Variants in DOLPP1 observed in about 807,000 individuals in gnomAD.
The protein encoded by DOLPP1 is dolichyldiphosphatase 1, also known as dolichyl pyrophosphate phosphatase 1.
In DOLPP1, 15 loss-of-function variants were observed where a neutral mutation model predicts 34.1. The ratio of observed to expected loss-of-function variants is 0.44; its 90% CI spans 0.29 to 0.68. The LOEUF is 0.68. DOLPP1 is among the 30% of genes least tolerant of loss of function. The pLI, the probability that DOLPP1 is intolerant of heterozygous loss-of-function variation, is 0.12. For synonymous variants in DOLPP1, 130 were observed against 128.2 expected, an observed-to-expected ratio of 1.01 and a Z score of -0.10; for missense variants, 249 against 307.1, an observed-to-expected ratio of 0.81 and a Z score of 1.41.
chr9:129,085,582 C>G lies in DOLPP1; in HGVS notation c.427C>G (p.Leu143Val). ...LLWRHVLSLGLLAVAFLVSYS... is the reference protein window; with the variant it reads ...LLWRHVLSLGVLAVAFLVSYS... Reference sequence around the variant, plus strand: ...GTGGAGGCACGTGCTCTCCCTGGGACTCCTCGCTGTGGCCTTCCTAGTCTC... The same window carrying G: ...GTGGAGGCACGTGCTCTCCCTGGGAGTCCTCGCTGTGGCCTTCCTAGTCTC... The change falls in exon 5 of 8, where the codon CTC becomes GTC. Residue 143 changes from leucine (L) to valine (V), a missense_variant. Physicochemically the swap from Leu to Val is conservative, Grantham distance 32. Transcript: ENST00000372546. This position sits in a 1 kb window ranked among gnomAD's most constrained non-coding sequence, Gnocchi z 7.0. The G allele has an allele frequency of 6.2e-7, 1 of 1,613,458 alleles. No individual in the cohort carries two copies. Among genetic ancestry groups the G allele is most frequent in the Non-Finnish European group, 8.5e-7 (1 of 1,179,860 alleles).
In DOLPP1 at chr9:129,088,779, C is replaced by A. The variant is rs1847041678; in HGVS notation, c.681-192C>A. ...GAGCTGAGATAACTGAGGTACAGGC[C>A]TCGCCGGGGAGATCAGCCCTGTCTA... On this transcript the variant is annotated intron_variant, in intron 7 of 7. Transcript: ENST00000372546. Among the ~76,000 whole-genome samples the A allele has an allele frequency of 2.0e-5, 3 of 152,330 alleles. 1 individual carries two copies. The South Asian group carries it at 6.2e-4, about 32-fold the overall frequency.
chr9:129,087,499 G>A (rs1205531342), intron 7 of DOLPP1, among the ~76,000 whole-genome samples: 2 of 151,966 alleles, frequency 1.3e-5, no homozygotes, highest in Non-Finnish European at 2.9e-5. Context: ...GTATTTTTTA[G>A]TAGAGACGGG....
In DOLPP1 at chr9:129,089,306, T is replaced by G. The variant is rs564383996; in HGVS notation, c.*299T>G. 2.8e-6 allele frequency: 1 copy of G among 359,420 alleles called. No homozygotes were observed. Among genetic ancestry groups the G allele is most frequent in the Non-Finnish European group, 5.2e-6 (1 of 192,714 alleles). The allele number at this position is 359,420 out of a possible 1,614,324, so 22.3% of individuals were successfully genotyped here. ...TCGGCATGGGCACCTGGGTGTGGGG[T>G]GGAGGAGGAGGGCTCGCGCCTCTGG... On this transcript the variant is annotated 3_prime_UTR_variant, in exon 8 of 8. Transcript: ENST00000372546. The surrounding 1 kb of genome is among the most constrained non-coding windows in gnomAD (Gnocchi z 4.9).
Position 129,081,209 on chromosome 9 carries a change from T to A in DOLPP1, c.76+2T>A. On this transcript the variant is annotated splice_donor_variant, in intron 1 of 7. Coordinates refer to ENST00000372546, the MANE Select transcript of DOLPP1 (RefSeq NM_020438.5). LOFTEE classifies it high-confidence loss of function. ...TCACCCACGTCGAATATCCTGCAGG[T>A]AAAAGGCGGTCCCGGCTCCAAGGAC... 1 of 1,608,592 alleles carries A rather than the reference T, an allele frequency of 6.2e-7. No homozygotes were observed.
chr9:129,087,569 G>A (rs938658226), intron 7 of DOLPP1, among the ~76,000 whole-genome samples: 5 of 152,166 alleles, frequency 3.3e-5, no homozygotes, highest in Non-Finnish European at 5.9e-5. Flanking sequence ...ACCCGCCTCG[G>A]CCTTCCAAAG....
Position 129,089,173 on chromosome 9 carries a change from G to A in DOLPP1, c.*166G>A. ...TTTTAATGAACAAGGTGGACCAAAG[G>A]GCTGAACCAGCCCCTCAACCAGGAC... is the stretch of plus-strand genomic sequence containing the variant. On this transcript the variant is annotated 3_prime_UTR_variant, in exon 8 of 8. Transcript: ENST00000372546. This position sits in a 1 kb window ranked among gnomAD's most constrained non-coding sequence, Gnocchi z 4.9. 1 of 635,666 alleles carries A rather than the reference G, an allele frequency of 1.6e-6. No individual in the cohort carries two copies. Among genetic ancestry groups the A allele is most frequent in the East Asian group, 3.0e-5 (1 of 33,548 alleles). The allele number at this position is 635,666 out of a possible 1,614,324, so 39.4% of individuals were successfully genotyped here.
chr9:129,088,491 G>T (rs1420549649), intron 7 of DOLPP1, among the ~76,000 whole-genome samples: 1 of 152,170 alleles, frequency 6.6e-6, no homozygotes. Context: ...TATAGCCACA[G>T]CCCAAATTGG....
chr9:129,084,633 C>G lies in DOLPP1; in HGVS notation c.77-35C>G, dbSNP rs766052425. 30 of 1,433,486 alleles carry G rather than the reference C, an allele frequency of 2.1e-5. 1 individual carries two copies. The highest frequency in any genetic ancestry group is 2.7e-5 in the Non-Finnish European group (27 of 1,014,398). The allele number at this position is 1,433,486 out of a possible 1,614,324, so 88.8% of individuals were successfully genotyped here. A position where few individuals can be genotyped will look rare whatever the true frequency, so the allele number is the denominator to read the frequency against. Reference sequence around the variant, plus strand: ...GCTGGTCCCTCTTCTGATGCCTGTGCCCTGTCCTCCTGATTCTGTTCTCTG... The same window carrying G: ...GCTGGTCCCTCTTCTGATGCCTGTGGCCTGTCCTCCTGATTCTGTTCTCTG... On this transcript the variant is annotated intron_variant, in intron 1 of 7. Transcript: ENST00000372546.
In DOLPP1 at chr9:129,088,917, G is replaced by C. The variant is rs1250509475; in HGVS notation, c.681-54G>C. 3 of 1,594,440 alleles carry C rather than the reference G, an allele frequency of 1.9e-6. No individual in the cohort carries two copies. In the African/African-American group the frequency reaches 4.0e-5, roughly 21 times the overall value. On this transcript the variant is annotated intron_variant, in intron 7 of 7. Coordinates refer to ENST00000372546, the MANE Select transcript of DOLPP1 (RefSeq NM_020438.5). The stretch of plus-strand genomic sequence containing the variant: ...GACTACGGGTGGGGTGGGGACAGCT[G>C]TAGGTCACTGAACACCAGATGTCTC...
rs1444894089 is a variant in DOLPP1 at position 129,088,983 on chromosome 9, C to T, written c.693C>T (p.Arg231=). ...TCCTGTTTTGCAGGAACAGACAACGCAAGCTGGGGACGAAACTGCAGTGAC... is the reference window on the plus strand; with the variant it reads ...TCCTGTTTTGCAGGAACAGACAACGTAAGCTGGGGACGAAACTGCAGTGAC... The part of the protein sequence containing the change: ...VTRAEARNRQ[R]KLGTKLQ Residue 231 remains arginine (R), a synonymous_variant, in exon 8 of 8, where the codon CGC becomes CGT. Coordinates refer to ENST00000372546, the MANE Select transcript of DOLPP1 (RefSeq NM_020438.5). The T allele has an allele frequency of 7.4e-6, 12 of 1,613,940 alleles. No individual in the cohort carries two copies. Among genetic ancestry groups the T allele is most frequent in the South Asian group, 1.1e-5 (1 of 91,092 alleles).
chr9:129,083,383 G>A (rs1846926379), intron 1 of DOLPP1, among the ~76,000 whole-genome samples: 1 of 152,116 alleles, frequency 6.6e-6, no homozygotes, highest in African/African-American at 2.4e-5. Flanking sequence ...AAAGAGAAGG[G>A]ACTCACCCAC....
chr9:129,085,965 A>C lies in DOLPP1; in HGVS notation c.462-174A>C, dbSNP rs1199747186. ...GATGGGAGAGCTGTGTTTGGGGTCCAGCGCCCTCCCACTTGGAAATGGATC... is the reference window on the plus strand; with the variant it reads ...GATGGGAGAGCTGTGTTTGGGGTCCCGCGCCCTCCCACTTGGAAATGGATC... On this transcript the variant is annotated intron_variant, in intron 5 of 7. Coordinates refer to ENST00000372546, the MANE Select transcript of DOLPP1 (RefSeq NM_020438.5). This position sits in a 1 kb window ranked among gnomAD's most constrained non-coding sequence, Gnocchi z 7.0. 2.6e-5 allele frequency among the ~76,000 whole-genome samples: 4 copies of C among 152,232 alleles called. No individual in the cohort carries two copies. Among genetic ancestry groups the C allele is most frequent in the African/African-American group, 9.6e-5 (4 of 41,454 alleles).
chr9:129,085,082 C>T lies in DOLPP1; in HGVS notation c.237C>T (p.Val79=), dbSNP rs1846962299. Residue 79 remains valine (V), a synonymous_variant, in exon 3 of 8, where the codon GTC becomes GTT. Transcript: ENST00000372546. The surrounding 1 kb of genome is among the most constrained non-coding windows in gnomAD (Gnocchi z 7.0). ...NEGVNWLIKN[V]IQEPRPCGGP... ...GGGTCAACTGGCTGATCAAAAACGT[C>T]ATCCAGGAGCCACGGCCCTGTGGAG... is the stretch of plus-strand genomic sequence containing the variant. 2 of 1,592,340 alleles carry T rather than the reference C, an allele frequency of 1.3e-6. No individual in the cohort carries two copies. The highest frequency in any genetic ancestry group is 4.5e-5 in the East Asian group (2 of 44,704).
At chr9:129,087,990 G>C (rs1051027102) in intron 7 of DOLPP1, among the ~76,000 whole-genome samples, 3 of 151,768 alleles carry the variant, frequency 2.0e-5, no homozygotes, top group African/African-American at 7.3e-5. Context: ...CTGTGTGCTG[G>C]GGGCAAGCAC....
At position 129,085,430 on chromosome 9, in the gene DOLPP1, C is replaced by T; in HGVS notation, c.363-88C>T. 6.5e-7 allele frequency: 1 copy of T among 1,526,880 alleles called. No homozygotes were observed. Among genetic ancestry groups the T allele is most frequent in the Non-Finnish European group, 9.0e-7 (1 of 1,105,860 alleles). The allele number at this position is 1,526,880 out of a possible 1,614,324, so 94.6% of individuals were successfully genotyped here. On this transcript the variant is annotated intron_variant, in intron 4 of 7. Transcript: ENST00000372546. This position sits in a 1 kb window ranked among gnomAD's most constrained non-coding sequence, Gnocchi z 7.0. ...GGCTGCAGCGGAGGCAGAAGGTACC[C>T]AGGGAGCATTTGGATGGGGCCAGGG...
chr9:129,083,019 G>A (rs1473909771), intron 1 of DOLPP1, among the ~76,000 whole-genome samples: 2 of 152,186 alleles, frequency 1.3e-5, no homozygotes, highest in Non-Finnish European at 2.9e-5. Context: ...TCCCAGGTGG[G>A]GGGAAACTGT....
At chr9:129,088,327 G>A (rs1026716936) in intron 7 of DOLPP1, among the ~76,000 whole-genome samples, 2 of 152,088 alleles carry the variant, frequency 1.3e-5, no homozygotes, top group South Asian at 2.1e-4. Context: ...TGTGGGATGA[G>A]GCTGGGGACA....
In DOLPP1 at chr9:129,085,794, G is replaced by C. The variant is rs1372841355; in HGVS notation, c.461+178G>C. Among the ~76,000 whole-genome samples, 1 of 152,214 alleles carries C rather than the reference G, an allele frequency of 6.6e-6. No homozygotes were observed. The highest frequency in any genetic ancestry group is 2.4e-5 in the African/African-American group (1 of 41,442). ...GGCTCCAGCTGCCTCTTCTAGCCCA[G>C]TCCGCACTGAGCCCAAGATTCTGGG... On this transcript the variant is annotated intron_variant, in intron 5 of 7. Transcript: ENST00000372546. This position sits in a 1 kb window ranked among gnomAD's most constrained non-coding sequence, Gnocchi z 7.0.
chr9:129,088,345 C>T (rs561570526), intron 7 of DOLPP1, among the ~76,000 whole-genome samples: 23 of 152,156 alleles, frequency 1.5e-4, no homozygotes, highest in African/African-American at 5.5e-4. Flanking sequence ...ACAGATCACA[C>T]AGGACCAGTC....
Sources: allele counts gnomAD v4.1 joint callset (sites outside exome capture counted in the v4.1 genomes callset), GRCh38; gene constraint gnomAD v4.1.1; non-coding constraint Gnocchi (gnomAD v3.1); transcripts MANE v1.5; gene names NCBI Gene and HGNC (gene_info 2026-07-23, HGNC 2026-07-21).